DAP3: variants seen among roughly 807,000 people sequenced by gnomAD.
DAP3 encodes death associated protein 3.
DAP3 carries 28 observed loss-of-function variants against 51.9 expected under a neutral mutation model. The observed-to-expected ratio is 0.54, with a 90% CI of 0.40 to 0.74. DAP3 has a LOEUF of 0.74. DAP3 is among the 30% of genes least tolerant of loss of function. DAP3 has a pLI of 0.00. For synonymous variants in DAP3, 170 were observed against 170.3 expected, an observed-to-expected ratio of 1.00 and a Z score of 0.01; for missense variants, 458 against 483.5, an observed-to-expected ratio of 0.95 and a Z score of 0.49.
intron 1 of DAP3, among the ~76,000 whole-genome samples, chr1:155,697,225 C>T (rs529794091): frequency 2.0e-5 from 3 of 152,188 alleles, no homozygotes; most frequent in Admixed American, 6.5e-5. Flanking sequence ...GTAATGGGTG[C>T]GGCAAGCTGA....
chr1:155,692,789 A>G lies in DAP3; in HGVS notation c.-8+3615A>G, dbSNP rs1035627141. On this transcript the variant is annotated intron_variant, in intron 1 of 12. Coordinates refer to ENST00000368336, the MANE Select transcript of DAP3 (RefSeq NM_004632.4). The stretch of plus-strand genomic sequence containing the variant: ...GTATTCCAATCACATTGCATTTGCA[A>G]TCGATGCTCTAAGCTTATTATACGA... Among the ~76,000 whole-genome samples the G allele has an allele frequency of 1.5e-4, 21 of 142,224 alleles. 2 individuals carry two copies. Among genetic ancestry groups the G allele is most frequent in the Non-Finnish European group, 2.4e-4 (16 of 68,042 alleles). The allele number at this position is 142,224 out of a possible 152,430, so 93.3% of individuals were successfully genotyped here. A position where few individuals can be genotyped will look rare whatever the true frequency, so the allele number is the denominator to read the frequency against.
At chr1:155,701,089 G>A (rs1440122822) in intron 1 of DAP3, among the ~76,000 whole-genome samples, 18 of 129,026 alleles carry the variant, frequency 1.4e-4, no homozygotes, top group African/African-American at 5.2e-4. Context: ...CAGCCGCCCC[G>A]TCCGGGAGGT....
intron 1 of DAP3, among the ~76,000 whole-genome samples, chr1:155,694,552 A>C (rs1015909624): frequency 2.1e-5 from 3 of 141,246 alleles, no homozygotes; most frequent in Admixed American, 1.3e-4. Context: ...TCTGTCCCCA[A>C]GTTGGTGGGC....
chr1:155,736,845 A>AG, intron 11 of DAP3, 101 bp from the exon 12 acceptor site: 1 of 972,554 alleles, frequency 1.0e-6, no homozygotes, highest in Non-Finnish European at 1.6e-6. Context: ...GTTACATAGA[A>AG]GAAAAACAAA....
intron 2 of DAP3, chr1:155,710,488 C>T (rs1331210425): frequency 1.3e-5 from 2 of 152,172 alleles, no homozygotes; most frequent in African/African-American, 4.8e-5. Context: ...CCTAGGCCTC[C>T]CAAAGTGCTG....
chr1:155,704,459 G>A (rs932250586), intron 1 of DAP3, among the ~76,000 whole-genome samples: 2 of 152,106 alleles, frequency 1.3e-5, no homozygotes, highest in Admixed American at 6.6e-5. Context: ...TGGTTGTGCC[G>A]GGGAGCATTG....
At chr1:155,718,933 A>G (rs181442595) in intron 3 of DAP3, among the ~76,000 whole-genome samples, 1 of 152,198 alleles carries the variant, frequency 6.6e-6, no homozygotes, top group Admixed American at 6.5e-5. Context: ...ATCTTGTCAC[A>G]TGACTGGAGC....
At chr1:155,708,175 G>A (rs1380203743) in intron 1 of DAP3, among the ~76,000 whole-genome samples, 1 of 152,138 alleles carries the variant, frequency 6.6e-6, no homozygotes, top group Non-Finnish European at 1.5e-5. Context: ...TGCCTCCCGA[G>A]TAGCTGGGAT....
At chr1:155,715,303 C>T (rs922776873) in intron 2 of DAP3, among the ~76,000 whole-genome samples, 8 of 151,236 alleles carry the variant, frequency 5.3e-5, no homozygotes, top group South Asian at 2.1e-4. Flanking sequence ...AGGAGGATCG[C>T]GTGAGTGCAG....
intron 7 of DAP3, among the ~76,000 whole-genome samples, chr1:155,728,012 C>T (rs956397805): frequency 2.0e-5 from 3 of 151,876 alleles, no homozygotes; most frequent in Non-Finnish European, 2.9e-5. Context: ...TCCAATCCCT[C>T]GCAAGCACAT....
At chr1:155,729,160 C>T in intron 8 of DAP3, 38 bp downstream of exon 8, 1 of 1,614,068 alleles carries the variant, frequency 6.2e-7, no homozygotes, top group Non-Finnish European at 8.5e-7. Context: ...CATGCGATAA[C>T]AAGAGAAGGC....
upstream of DAP3, chr1:155,688,550 T>C (rs678157): frequency 0.28 from 424,768 of 1,539,856 alleles, 68,996 homozygotes; most frequent in East Asian, 0.72. Flanking sequence ...TCGGCCGTCC[T>C]GCGAGCCAGC....
At chr1:155,729,173 C>G in intron 8 of DAP3, 35 bp from the exon 9 acceptor site, 1 of 1,614,144 alleles carries the variant, frequency 6.2e-7, no homozygotes, top group Non-Finnish European at 8.5e-7. Context: ...GAGAAGGCCT[C>G]TGGTAGCACT....
At chr1:155,696,932 A>T (rs1182644064) in intron 1 of DAP3, among the ~76,000 whole-genome samples, 1 of 152,164 alleles carries the variant, frequency 6.6e-6, no homozygotes, top group African/African-American at 2.4e-5. Context: ...ATGGTGGGGG[A>T]TGGGAGCCCT....
In DAP3 at chr1:155,737,047, G is replaced by A. The variant is rs1254420128; in HGVS notation, c.1095G>A (p.Trp365Ter). 1 of 1,612,544 alleles carries A rather than the reference G, an allele frequency of 6.2e-7. No individual in the cohort carries two copies. The highest frequency in any genetic ancestry group is 1.7e-5 in the Admixed American group (1 of 59,952). The change falls in exon 12 of 13, where the codon TGG (tryptophan) becomes TGA (stop). Residue 365 changes from tryptophan to a stop codon, truncating the protein, a stop_gained. Coordinates refer to ENST00000368336, the MANE Select transcript of DAP3 (RefSeq NM_004632.4). LOFTEE classifies it high-confidence loss of function. ...TTCAGTATTATTTGGAAAACAATTG[G>A]CTTCAACATGAGAAAGGTCCATCAT... is the stretch of plus-strand genomic sequence containing the variant. Reference protein sequence around the residue: ...SCIQYYLENNWLQHEKAPTEE... With the variant: ...SCIQYYLENN
At chr1:155,719,314 C>T (rs1184585433) in intron 3 of DAP3, among the ~76,000 whole-genome samples, 1 of 150,874 alleles carries the variant, frequency 6.6e-6, no homozygotes, top group Non-Finnish European at 1.5e-5. Flanking sequence ...CGTCTCACTG[C>T]AACCTCCACC....
At chr1:155,689,068 G>A, upstream of DAP3, 2 of 1,510,770 alleles carry the variant, frequency 1.3e-6, no homozygotes, top group Non-Finnish European at 1.8e-6. Context: ...GTCGTTTCCT[G>A]CCGGATGACC....
chr1:155,688,480 G>A (rs1420431506), upstream of DAP3: 1 of 1,549,490 alleles, frequency 6.5e-7, no homozygotes, highest in African/African-American at 1.4e-5. Context: ...GCGCACGTCA[G>A]CCCGCACGCG....
chr1:155,709,340 C>T (rs1295790444), intron 1 of DAP3, among the ~76,000 whole-genome samples: 2 of 152,084 alleles, frequency 1.3e-5, no homozygotes, highest in Non-Finnish European at 2.9e-5. Flanking sequence ...AAGACAGGGT[C>T]TCACTTTGTT....
Sources: gnomAD v4.1 joint callset for allele counts (sites outside exome capture counted in the v4.1 genomes callset) on GRCh38, gnomAD v4.1.1 for gene constraint, MANE v1.5 for transcripts, NCBI Gene and HGNC (gene_info 2026-07-23, HGNC 2026-07-21) for gene names.